The following CYP39A1 variants were observed in gnomAD, a reference collection of about 807,000 sequenced individuals.
The protein encoded by CYP39A1 is 24-hydroxycholesterol 7-alpha-hydroxylase.
CYP39A1 carries 49 observed loss-of-function variants against 58.1 expected under a neutral mutation model. The observed-to-expected ratio is 0.84, with a 90% confidence interval of 0.67 to 1.07. The LOEUF (loss-of-function observed/expected upper bound fraction) is 1.07, where lower values mean the gene tolerates loss of function less well. CYP39A1 is among the 50% of genes least tolerant of loss of function. The pLI is 0.00. For missense variants in CYP39A1, 531 were observed against 539.4 expected, an observed-to-expected ratio of 0.98 and a Z score of 0.16; for synonymous variants, 209 against 187.6, an observed-to-expected ratio of 1.11 and a Z score of -0.93.
In CYP39A1 at chr6:46,553,832, G is replaced by A. The variant is rs1770533454; in HGVS notation, c.1273C>T (p.Gln425Ter). 2.5e-6 allele frequency: 4 copies of A among 1,608,950 alleles called. No individual in the cohort carries two copies. In the African/African-American group the frequency reaches 5.4e-5, roughly 22 times the overall value. The stretch of plus-strand genomic sequence containing the variant: ...TAAAGTATTAAAATAATACACATCT[G>A]AACCTCTAACAGAGCAAACCACCTG... ...PARWFALLEV[Q>*]MCIILILYKY... Residue 425 changes from glutamine (Q) to a stop codon, truncating the protein, a stop_gained, in exon 11 of 12, where the codon CAG becomes TAG. Transcript: ENST00000275016. LOFTEE classifies it high-confidence loss of function.
intron 10 of CYP39A1, among the ~76,000 whole-genome samples, chr6:46,563,243 G>A (rs369055285): frequency 3.9e-5 from 6 of 151,976 alleles, no homozygotes; most frequent in East Asian, 1.9e-4. Flanking sequence ...CAAAGAAAAC[G>A]GGCCTTGTAA....
chr6:46,602,992 A>C (rs1773609522), intron 7 of CYP39A1, among the ~76,000 whole-genome samples: 1 of 151,736 alleles, frequency 6.6e-6, no homozygotes, highest in South Asian at 2.1e-4. Context: ...ATTATGATTG[A>C]ATTTTTAACT....
chr6:46,568,983 A>G (rs1771440873), intron 10 of CYP39A1, among the ~76,000 whole-genome samples: 1 of 151,912 alleles, frequency 6.6e-6, no homozygotes, highest in Admixed American at 6.6e-5. Flanking sequence ...TAGCACTGGC[A>G]TCTTTAACAT....
intron 10 of CYP39A1, among the ~76,000 whole-genome samples, chr6:46,579,687 A>G (rs898995453): frequency 3.9e-5 from 6 of 152,158 alleles, no homozygotes; most frequent in African/African-American, 9.6e-5. Context: ...ATGTGTAAAA[A>G]TCAGTGGTAT....
chr6:46,592,571 A>T (rs760007086), intron 8 of CYP39A1, among the ~76,000 whole-genome samples: 5 of 152,200 alleles, frequency 3.3e-5, no homozygotes, highest in Non-Finnish European at 7.3e-5. Context: ...CATATGCAAG[A>T]ACAGGGACTA....
chr6:46,572,955 A>AT (rs1187334416), intron 10 of CYP39A1, among the ~76,000 whole-genome samples: 6 of 150,776 alleles, frequency 4.0e-5, no homozygotes, highest in Non-Finnish European at 8.9e-5. Flanking sequence ...TCCCTATTGC[A>AT]TTTTTTCAGT....
intron 10 of CYP39A1, among the ~76,000 whole-genome samples, chr6:46,580,331 T>A (rs1478848646): frequency 6.6e-6 from 1 of 152,196 alleles, no homozygotes; most frequent in Non-Finnish European, 1.5e-5. Context: ...GACCCCTTCC[T>A]TTCACTGTAT....
intron 10 of CYP39A1, chr6:46,582,979 G>A: frequency 1.3e-6 from 1 of 773,174 alleles, no homozygotes; most frequent in Non-Finnish European, 1.6e-6. Flanking sequence ...ATTACTATTA[G>A]ATGGACCTCT....
intron 6 of CYP39A1, among the ~76,000 whole-genome samples, chr6:46,629,079 G>A (rs1386887361): frequency 2.6e-5 from 4 of 152,182 alleles, no homozygotes; most frequent in Admixed American, 1.3e-4. Flanking sequence ...AATTGGCTTT[G>A]GATCTGACTC....
At chr6:46,588,975 G>C (rs1268885886) in intron 8 of CYP39A1, among the ~76,000 whole-genome samples, 2 of 152,124 alleles carry the variant, frequency 1.3e-5, no homozygotes, top group Admixed American at 6.6e-5. Context: ...GATCTCCCAA[G>C]TTTTATAATT....
intron 7 of CYP39A1, among the ~76,000 whole-genome samples, chr6:46,625,020 C>T (rs1194292972): frequency 6.6e-6 from 1 of 152,078 alleles, no homozygotes; most frequent in African/African-American, 2.4e-5. Context: ...CCTATTAGGG[C>T]TCTTATGTAA....
intron 10 of CYP39A1, among the ~76,000 whole-genome samples, chr6:46,568,371 C>T (rs140129286): frequency 6.6e-6 from 1 of 152,110 alleles, no homozygotes; most frequent in African/African-American, 2.4e-5. Flanking sequence ...TTTGTTGATA[C>T]TGTCTTTTGA....
chr6:46,553,879 A>G, intron 10 of CYP39A1, 25 bp from the exon 11 acceptor site: 1 of 1,450,856 alleles, frequency 6.9e-7, no homozygotes, highest in Non-Finnish European at 9.5e-7. Context: ...TAAAATTGTT[A>G]CTTGATTGTG....
At chr6:46,562,492 G>A (rs1338857689) in intron 10 of CYP39A1, among the ~76,000 whole-genome samples, 1 of 151,916 alleles carries the variant, frequency 6.6e-6, no homozygotes, top group Non-Finnish European at 1.5e-5. Flanking sequence ...TAAAGGCCAG[G>A]CATGGTGGCT....
chr6:46,566,991 T>TG lies in CYP39A1; in HGVS notation c.1251-13138dup, dbSNP rs201841327. 8.3e-3 allele frequency among the ~76,000 whole-genome samples: 1,259 copies of TG among 152,054 alleles called. 15 individuals carry two copies. The highest frequency in any genetic ancestry group is 0.029 in the African/African-American group (1,189 of 41,482). ...TACCCTTTTGTGTGTTTGGGAGAAG[T>TG]GGGGGGGTGAGAAAATTTAAGATCT... On this transcript the variant is annotated intron_variant, in intron 10 of 11. Transcript: ENST00000275016.
chr6:46,652,388 T>C lies in CYP39A1; in HGVS notation c.177+18A>G. ...AGCATTGTCTCCTCTGGAGACCCCGTCTGCCACGACCACATACCTTGATTC... is the reference window on the plus strand; with the variant it reads ...AGCATTGTCTCCTCTGGAGACCCCGCCTGCCACGACCACATACCTTGATTC... On this transcript the variant is annotated intron_variant, in intron 1 of 11. Coordinates refer to ENST00000275016, the MANE Select transcript of CYP39A1 (RefSeq NM_016593.5). The C allele has an allele frequency of 6.3e-7, 1 of 1,599,334 alleles. No individual in the cohort carries two copies. Among genetic ancestry groups the C allele is most frequent in the South Asian group, 1.1e-5 (1 of 88,416 alleles).
intron 8 of CYP39A1, among the ~76,000 whole-genome samples, chr6:46,594,582 G>T (rs980191222): frequency 6.6e-6 from 1 of 151,950 alleles, no homozygotes; most frequent in African/African-American, 2.4e-5. Flanking sequence ...TTCAATAAAT[G>T]ATGTTGGGAA....
In CYP39A1 at chr6:46,596,029, A is replaced by G. The variant is rs1205435636; in HGVS notation, c.1023T>C (p.Pro341=). Reference sequence around the variant, plus strand: ...TCACCACTTTTCTAGTAATGACACCAGGAGCTTTTAAACGAATGGTTTCCA... The same window carrying G: ...TCACCACTTTTCTAGTAATGACACCGGGAGCTTTTAAACGAATGGTTTCCA... The part of the protein sequence containing the change: ...CVLETIRLKA[P]GVITRKVVKP... Residue 341 remains proline (P), a synonymous_variant, in exon 8 of 12, where the codon CCT becomes CCC. Coordinates refer to ENST00000275016, the MANE Select transcript of CYP39A1 (RefSeq NM_016593.5). 1.2e-6 allele frequency: 2 copies of G among 1,612,110 alleles called. No individual in the cohort carries two copies. Among genetic ancestry groups the G allele is most frequent in the Non-Finnish European group, 8.5e-7 (1 of 1,178,988 alleles).
intron 10 of CYP39A1, among the ~76,000 whole-genome samples, chr6:46,581,413 A>C (rs1244372055): frequency 6.6e-6 from 1 of 152,018 alleles, no homozygotes; most frequent in Non-Finnish European, 1.5e-5. Flanking sequence ...CAGAAAAAAA[A>C]AAAAAAAGAG....
Sources: allele counts gnomAD v4.1 joint callset (sites outside exome capture counted in the v4.1 genomes callset), GRCh38; gene constraint gnomAD v4.1.1; transcripts MANE v1.5; gene names NCBI Gene and HGNC (gene_info 2026-07-23, HGNC 2026-07-21).